The following PCCA variants were observed in gnomAD, a reference collection of about 807,000 sequenced individuals.
PCCA encodes propionyl-CoA carboxylase alpha chain, mitochondrial.
Under a neutral mutation model 101.3 loss-of-function variants are expected in PCCA, and 74 were observed. That is an observed-to-expected ratio of 0.73 (90% CI 0.61 to 0.89). The LOEUF (loss-of-function observed/expected upper bound fraction) is 0.89, where lower values mean the gene tolerates loss of function less well. PCCA is among the 40% of genes least tolerant of loss of function. The pLI, the probability that PCCA is intolerant of heterozygous loss-of-function variation, is 0.00. For synonymous variants in PCCA, 294 were observed against 313.6 expected, an observed-to-expected ratio of 0.94 and a Z score of 0.66; for missense variants, 891 against 907.0, an observed-to-expected ratio of 0.98 and a Z score of 0.23.
intron 20 of PCCA, among the ~76,000 whole-genome samples, chr13:100,442,274 G>T (rs151182875): frequency 6.6e-6 from 1 of 152,108 alleles, no homozygotes; most frequent in South Asian, 2.1e-4. Context: ...GATTACAGGC[G>T]TGAGCCACCA....
intron 21 of PCCA, among the ~76,000 whole-genome samples, chr13:100,452,795 C>G (rs1188409315): frequency 6.6e-6 from 1 of 152,190 alleles, no homozygotes; most frequent in Admixed American, 6.5e-5. Flanking sequence ...GTGCTCTGCC[C>G]AGTGCCCTGA....
At chr13:100,434,476 G>C (rs1006655670) in intron 20 of PCCA, among the ~76,000 whole-genome samples, 4 of 152,122 alleles carry the variant, frequency 2.6e-5, no homozygotes, top group Non-Finnish European at 5.9e-5. Flanking sequence ...GGTTTTCTGG[G>C]GCAGAGGCAA....
At chr13:100,162,742 A>G (rs1041136747) in intron 6 of PCCA, among the ~76,000 whole-genome samples, 1 of 152,240 alleles carries the variant, frequency 6.6e-6, no homozygotes, top group African/African-American at 2.4e-5. Flanking sequence ...CCAGAGCTAC[A>G]GCATAGAGAT....
chr13:100,501,871 C>CTAAATAAA lies in PCCA; in HGVS notation c.1900-13555_1900-13554insAAATAAAT, dbSNP rs554849408. ...CCTGGGCAACAGAGGGACACTCCTT[C>CTAAATAAA]TCAATAAATAAATAAATAAATAAAT... is the stretch of plus-strand genomic sequence containing the variant. On this transcript the variant is annotated intron_variant, in intron 21 of 23. Coordinates refer to ENST00000376285, the MANE Select transcript of PCCA (RefSeq NM_000282.4). Among the ~76,000 whole-genome samples the CTAAATAAA allele has an allele frequency of 3.3e-3, 464 of 140,698 alleles. 3 individuals are homozygous for CTAAATAAA. The highest frequency in any genetic ancestry group is 0.015 in the Admixed American group (208 of 14,038). The allele number at this position is 140,698 out of a possible 152,430, so 92.3% of individuals were successfully genotyped here.
At chr13:100,240,057 T>C (rs1358726520) in intron 8 of PCCA, among the ~76,000 whole-genome samples, 1 of 152,186 alleles carries the variant, frequency 6.6e-6, no homozygotes, top group Non-Finnish European at 1.5e-5. Context: ...CTTTTGTCTT[T>C]TGCAGGGACT....
At chr13:100,182,441 A>G (rs2056889477) in intron 6 of PCCA, among the ~76,000 whole-genome samples, 1 of 152,168 alleles carries the variant, frequency 6.6e-6, no homozygotes. Context: ...AAAGCACATT[A>G]AACTTTGCTT....
intron 4 of PCCA, among the ~76,000 whole-genome samples, chr13:100,134,819 T>C (rs942547649): frequency 1.3e-5 from 2 of 152,176 alleles, no homozygotes; most frequent in Non-Finnish European, 2.9e-5. Context: ...ATTACAGGTG[T>C]GAGCCACCAT....
intron 19 of PCCA, among the ~76,000 whole-genome samples, chr13:100,390,242 C>T (rs1024547687): frequency 2.0e-5 from 3 of 152,088 alleles, no homozygotes; most frequent in Non-Finnish European, 2.9e-5. Flanking sequence ...ATTTCTATTC[C>T]AATCCTATAA....
At chr13:100,232,783 C>T (rs923068808) in intron 7 of PCCA, among the ~76,000 whole-genome samples, 3 of 152,118 alleles carry the variant, frequency 2.0e-5, no homozygotes, top group African/African-American at 7.2e-5. Context: ...TGCCTGAGTA[C>T]TCTGTTTCTA....
At chr13:100,458,130 A>G (rs746064092) in intron 21 of PCCA, among the ~76,000 whole-genome samples, 31 of 152,128 alleles carry the variant, frequency 2.0e-4, no homozygotes, top group Non-Finnish European at 3.5e-4. Context: ...TCGCTTATAA[A>G]CTTTCAATCC....
At chr13:100,116,483 C>G (rs2048810519) in intron 4 of PCCA, among the ~76,000 whole-genome samples, 1 of 152,134 alleles carries the variant, frequency 6.6e-6, no homozygotes, top group African/African-American at 2.4e-5. Context: ...AAAATGTTGG[C>G]TTTTAGAGAT....
intron 19 of PCCA, among the ~76,000 whole-genome samples, chr13:100,408,789 G>T (rs1168186862): frequency 1.3e-5 from 2 of 152,178 alleles, no homozygotes; most frequent in African/African-American, 4.8e-5. Context: ...GATAGTTCCG[G>T]GGTGGGGGTC....
chr13:100,248,998 C>T (rs1255901453), intron 8 of PCCA, among the ~76,000 whole-genome samples: 1 of 152,098 alleles, frequency 6.6e-6, no homozygotes. Flanking sequence ...AGGTGATCTG[C>T]CCACCTCGGC....
intron 21 of PCCA, among the ~76,000 whole-genome samples, chr13:100,489,229 A>G (rs1319579495): frequency 2.0e-5 from 3 of 151,824 alleles, no homozygotes; most frequent in Admixed American, 6.6e-5. Context: ...AATGGCGTGA[A>G]CCCGGGAGGC....
At chr13:100,148,788 T>G (rs1250815983) in intron 4 of PCCA, among the ~76,000 whole-genome samples, 1 of 152,164 alleles carries the variant, frequency 6.6e-6, no homozygotes, top group Non-Finnish European at 1.5e-5. Flanking sequence ...GAAAACAGGA[T>G]TGTAGAAAAT....
chr13:100,330,846 G>A (rs548909545), intron 17 of PCCA, among the ~76,000 whole-genome samples, 175 bp downstream of exon 17: 4 of 152,144 alleles, frequency 2.6e-5, no homozygotes, highest in Admixed American at 2.6e-4. Context: ...GATGACTCAT[G>A]AGTGTGATAA....
chr13:100,123,475 G>T (rs545716613), intron 4 of PCCA, among the ~76,000 whole-genome samples: 1 of 152,096 alleles, frequency 6.6e-6, no homozygotes, highest in Non-Finnish European at 1.5e-5. Flanking sequence ...ATGTAACCTC[G>T]TAGAAGCAAT....
chr13:100,396,050 G>A (rs1233422952), intron 19 of PCCA, among the ~76,000 whole-genome samples: 2 of 152,176 alleles, frequency 1.3e-5, no homozygotes, highest in Non-Finnish European at 2.9e-5. Context: ...TACCTAAGGG[G>A]ATGGTAGAGA....
intron 19 of PCCA, among the ~76,000 whole-genome samples, chr13:100,405,862 G>T (rs2077644057): frequency 6.6e-6 from 1 of 150,776 alleles, no homozygotes; most frequent in Admixed American, 6.6e-5. Flanking sequence ...CAACTCCTGG[G>T]TTCAAGTGAT....
Sources: gnomAD v4.1 joint callset for allele counts (sites outside exome capture counted in the v4.1 genomes callset) on GRCh38, gnomAD v4.1.1 for gene constraint, MANE v1.5 for transcripts, NCBI Gene and HGNC (gene_info 2026-07-23, HGNC 2026-07-21) for gene names.